PCDHA1: variants seen among roughly 807,000 people sequenced by gnomAD.
PCDHA1 encodes the protein protocadherin alpha-1.
PCDHA1 carries 42 observed loss-of-function variants against 61.3 expected under a neutral mutation model. That is an observed-to-expected ratio of 0.69 (90% CI 0.54 to 0.89). The LOEUF is 0.89. Ranked by LOEUF, PCDHA1 falls within the 40% of genes least tolerant of loss-of-function variation. The pLI is 0.00. For synonymous variants in PCDHA1, 610 were observed against 553.8 expected (o/e 1.10, Z -1.43); for missense variants, 1,256 against 1,235.3 (o/e 1.02, Z -0.25).
Position 140,836,500 on chromosome 5 carries a change from C to A in PCDHA1, c.2394+47816C>A, listed in dbSNP as rs2150262394. 99 of 1,613,882 alleles carry A rather than the reference C, an allele frequency of 6.1e-5. No individual in the cohort carries two copies. The highest frequency in any genetic ancestry group is 8.1e-5 in the Non-Finnish European group (95 of 1,179,878). Reference sequence around the variant, plus strand: ...GTGTACCTGATCATCGCCATCTGCGCGGTGTCCAGTCTGTTGGTGCTTACC... The same window carrying A: ...GTGTACCTGATCATCGCCATCTGCGAGGTGTCCAGTCTGTTGGTGCTTACC... On this transcript the variant is annotated intron_variant, in intron 1 of 3. Transcript: ENST00000504120.
chr5:140,883,262 G>T (rs1211665444), intron 1 of PCDHA1: 1 of 1,613,956 alleles, frequency 6.2e-7, no homozygotes. Flanking sequence ...TCCAATGGCG[G>T]GTCATTGTAC....
chr5:140,948,497 C>G (rs1181465701), intron 1 of PCDHA1, among the ~76,000 whole-genome samples: 2 of 151,510 alleles, frequency 1.3e-5, no homozygotes, highest in Non-Finnish European at 3.0e-5. Context: ...CTTTCATAGA[C>G]TTTCTATTAA....
intron 1 of PCDHA1, among the ~76,000 whole-genome samples, chr5:140,972,724 C>T (rs953044769): frequency 1.9e-4 from 27 of 140,890 alleles, no homozygotes; most frequent in Non-Finnish European, 3.3e-4. Context: ...AGTGCAGTGG[C>T]GTAATCCCGG....
intron 1 of PCDHA1, among the ~76,000 whole-genome samples, chr5:140,924,429 A>G (rs1331551212): frequency 6.6e-6 from 1 of 152,184 alleles, no homozygotes; most frequent in Non-Finnish European, 1.5e-5. Flanking sequence ...CTAGTTCCCT[A>G]GAAGAGATAA....
chr5:140,885,122 T>A (rs191806335), intron 1 of PCDHA1, among the ~76,000 whole-genome samples: 1 of 152,332 alleles, frequency 6.6e-6, no homozygotes, highest in African/African-American at 2.4e-5. Context: ...AGTGCACTTT[T>A]CTTTCTTTCT....
chr5:140,870,957 C>T, intron 1 of PCDHA1: 1 of 1,613,704 alleles, frequency 6.2e-7, no homozygotes, highest in Non-Finnish European at 8.5e-7. Context: ...GCGGCTCGCG[C>T]ATCCCGTTCC....
intron 1 of PCDHA1, among the ~76,000 whole-genome samples, chr5:140,798,583 AC>A (rs1346443440): frequency 1.9e-4 from 29 of 152,184 alleles, no homozygotes; most frequent in African/African-American, 6.8e-4. Flanking sequence ...GAGATTGACT[AC>A]TTTTTTCTGG....
chr5:141,010,201 C>G lies in PCDHA1; in HGVS notation c.*264C>G, dbSNP rs782495760. On this transcript the variant is annotated 3_prime_UTR_variant, in exon 4 of 4. Coordinates refer to ENST00000504120, the MANE Select transcript of PCDHA1 (RefSeq NM_018900.4). ...GCAGACCCAAGTTTCCTTTCTCCTC[C>G]GCCGCAAAGGAGAGGCTTCCCAGCC... 9.0e-6 allele frequency: 14 copies of G among 1,551,916 alleles called. No homozygotes were observed. Among genetic ancestry groups the G allele is most frequent in the Non-Finnish European group, 1.0e-5 (12 of 1,147,084 alleles).
At chr5:140,796,965 G>A (rs782359192) in intron 1 of PCDHA1, 1 of 1,613,860 alleles carries the variant, frequency 6.2e-7, no homozygotes, top group Non-Finnish European at 8.5e-7. Context: ...CCGTGTTAGT[G>A]TCGTTGGTGG....
At chr5:140,875,837 A>T in intron 1 of PCDHA1, 1 of 1,614,140 alleles carries the variant, frequency 6.2e-7, no homozygotes, top group Non-Finnish European at 8.5e-7. Context: ...GTGGACGTGG[A>T]GGTGAAGGAC....
intron 1 of PCDHA1, chr5:140,807,200 T>C: frequency 6.2e-7 from 1 of 1,613,670 alleles, no homozygotes; most frequent in Non-Finnish European, 8.5e-7. Context: ...GGAGTTTTCC[T>C]GGGGAAGCGG....
intron 1 of PCDHA1, chr5:140,857,302 G>T: frequency 6.3e-7 from 1 of 1,598,652 alleles, no homozygotes; most frequent in Non-Finnish European, 8.6e-7. Flanking sequence ...AGAGGGTGTC[G>T]GCCTATGAGC....
chr5:140,870,509 C>T, intron 1 of PCDHA1: 2 of 1,614,230 alleles, frequency 1.2e-6, no homozygotes, highest in Non-Finnish European at 1.7e-6. Context: ...AACAACCCAC[C>T]AGGCTGCCAC....
chr5:140,842,273 A>G, intron 1 of PCDHA1: 1 of 1,610,790 alleles, frequency 6.2e-7, no homozygotes, highest in Non-Finnish European at 8.5e-7. Flanking sequence ...CTTATACAAA[A>G]TCCTCATTGA....
At chr5:140,887,204 C>T (rs1438790748) in intron 1 of PCDHA1, among the ~76,000 whole-genome samples, 7 of 151,828 alleles carry the variant, frequency 4.6e-5, no homozygotes, top group African/African-American at 1.5e-4. Flanking sequence ...TCACGCCATT[C>T]TCCTGCCTCA....
At chr5:140,818,623 G>T (rs970158676) in intron 1 of PCDHA1, among the ~76,000 whole-genome samples, 1 of 152,122 alleles carries the variant, frequency 6.6e-6, no homozygotes, top group Admixed American at 6.5e-5. Context: ...GATTGCTTGA[G>T]CCCAGGAGTT....
At chr5:140,940,564 T>G (rs1481591678) in intron 1 of PCDHA1, among the ~76,000 whole-genome samples, 2 of 152,228 alleles carry the variant, frequency 1.3e-5, no homozygotes, top group African/African-American at 4.8e-5. Flanking sequence ...TTCTCCTACC[T>G]TGGCTCCCAA....
At position 140,808,802 on chromosome 5, in the gene PCDHA1, G is replaced by A. The variant is rs533708736; in HGVS notation, c.2394+20118G>A. ...GCTGCAGTTTCAGGTGACCGCTCGC[G>A]ATGCCGGCGTGCCACCTCTGGGCAG... On this transcript the variant is annotated intron_variant, in intron 1 of 3. Transcript: ENST00000504120. The A allele has an allele frequency of 2.5e-5, 41 of 1,612,700 alleles. No individual in the cohort carries two copies. In the South Asian group the frequency reaches 4.4e-4, roughly 17 times the overall value.
intron 1 of PCDHA1, among the ~76,000 whole-genome samples, chr5:140,939,358 A>C (rs1291026920): frequency 1.3e-5 from 2 of 152,172 alleles, no homozygotes; most frequent in Admixed American, 1.3e-4. Flanking sequence ...TTATGATTGC[A>C]AAGGAGGAGG....
Sources: allele counts gnomAD v4.1 joint callset (sites outside exome capture counted in the v4.1 genomes callset), GRCh38; gene constraint gnomAD v4.1.1; transcripts MANE v1.5; gene names NCBI Gene and HGNC (gene_info 2026-07-23, HGNC 2026-07-21).